The following EEPD1 variants were observed in gnomAD, a reference collection of about 807,000 sequenced individuals.
EEPD1 encodes the protein endonuclease/exonuclease/phosphatase family domain-containing protein 1.
In EEPD1, 17 loss-of-function variants were observed where a neutral mutation model predicts 46.3. That is an observed-to-expected ratio of 0.37 (90% CI 0.25 to 0.55). The LOEUF (loss-of-function observed/expected upper bound fraction) is 0.55, where lower values mean the gene tolerates loss of function less well. Ranked by LOEUF, EEPD1 falls within the 20% of genes least tolerant of loss-of-function variation. EEPD1 has a pLI of 0.83. For missense variants in EEPD1, 673 were observed against 745.6 expected (o/e 0.90, Z 1.13); for synonymous variants, 313 against 315.6 (o/e 0.99, Z 0.09).
At position 36,202,836 on chromosome 7, in the gene EEPD1, G is replaced by T. The variant is rs564967021; in HGVS notation, c.879-36149G>T. ...TCATGTAGCTTATACGTGGAGCTGGGATTTGAACCCAGAATTCTCTTGAGT... is the reference window on the plus strand; with the variant it reads ...TCATGTAGCTTATACGTGGAGCTGGTATTTGAACCCAGAATTCTCTTGAGT... On this transcript the variant is annotated intron_variant, in intron 2 of 7. Coordinates refer to ENST00000242108, the MANE Select transcript of EEPD1 (RefSeq NM_030636.3). Among the ~76,000 whole-genome samples, 20 of 152,296 alleles carry T rather than the reference G, an allele frequency of 1.3e-4. No homozygotes were observed. The South Asian group carries it at 4.2e-3, about 32-fold the overall frequency.
At chr7:36,279,965 A>G (rs1010087152) in intron 3 of EEPD1, among the ~76,000 whole-genome samples, 2 of 152,196 alleles carry the variant, frequency 1.3e-5, no homozygotes, top group Admixed American at 1.3e-4. Flanking sequence ...ACTCTGAAAC[A>G]GGCTCCAGCA....
chr7:36,198,359 G>GAAAAAAAAAAAAAAAAAAAAAAAAA (rs1381831424), intron 2 of EEPD1, among the ~76,000 whole-genome samples: 2 of 39,652 alleles, frequency 5.0e-5, no homozygotes, highest in Non-Finnish European at 5.2e-5. Context: ...AAAAAAAAAA[G>GAAAAAAAAAAAAAAAAAAAAAAAAA]AAAGATATTT....
intron 2 of EEPD1, among the ~76,000 whole-genome samples, chr7:36,174,331 G>A (rs79502987): frequency 0.045 from 6,791 of 152,314 alleles, 478 homozygotes; most frequent in African/African-American, 0.15. Flanking sequence ...TTCTGGATCA[G>A]TGGTTTTAAA....
At chr7:36,276,475 C>T (rs1384130458) in intron 3 of EEPD1, among the ~76,000 whole-genome samples, 2 of 152,176 alleles carry the variant, frequency 1.3e-5, no homozygotes, top group Non-Finnish European at 2.9e-5. Flanking sequence ...CCATTGCGTA[C>T]CTACTGTGTG....
intron 7 of EEPD1, 81 bp from the exon 8 acceptor site, chr7:36,298,926 A>T (rs1040658020): frequency 4.2e-5 from 64 of 1,509,634 alleles, no homozygotes; most frequent in Non-Finnish European, 5.6e-5. Context: ...ATGCGGTGTG[A>T]CCCTCCACCT....
chr7:36,168,001 TG>T (rs1785014834), intron 2 of EEPD1, among the ~76,000 whole-genome samples: 1 of 152,154 alleles, frequency 6.6e-6, no homozygotes. Context: ...CCAACCCAAG[TG>T]GGGCTTTCCC....
intron 4 of EEPD1, among the ~76,000 whole-genome samples, chr7:36,282,797 A>C (rs1787280817): frequency 6.6e-6 from 1 of 152,246 alleles, no homozygotes; most frequent in African/African-American, 2.4e-5. Context: ...TGCTGGGTCC[A>C]TGTCTACCCA....
At chr7:36,276,874 G>T (rs1787189201) in intron 3 of EEPD1, among the ~76,000 whole-genome samples, 1 of 152,252 alleles carries the variant, frequency 6.6e-6, no homozygotes, top group African/African-American at 2.4e-5. Flanking sequence ...AAACCCGAGA[G>T]GGTGGGGTGG....
At chr7:36,237,503 T>C (rs1367411255) in intron 2 of EEPD1, among the ~76,000 whole-genome samples, 1 of 152,120 alleles carries the variant, frequency 6.6e-6, no homozygotes, top group Non-Finnish European at 1.5e-5. Flanking sequence ...TCCATTCTCC[T>C]TTTCCCCCAG....
At chr7:36,172,100 G>A (rs1165546593) in intron 2 of EEPD1, among the ~76,000 whole-genome samples, 3 of 152,106 alleles carry the variant, frequency 2.0e-5, no homozygotes, top group South Asian at 2.1e-4. Flanking sequence ...GGGCTCTTCT[G>A]TCTTACTGTG....
intron 3 of EEPD1, among the ~76,000 whole-genome samples, chr7:36,242,744 G>A (rs1306729683): frequency 1.5e-5 from 2 of 132,934 alleles, no homozygotes; most frequent in Non-Finnish European, 3.1e-5. Flanking sequence ...CCAACATGGC[G>A]AAACTGTGTC....
intron 3 of EEPD1, among the ~76,000 whole-genome samples, chr7:36,266,260 GC>G (rs1398207917): frequency 6.6e-6 from 1 of 152,094 alleles, no homozygotes; most frequent in Non-Finnish European, 1.5e-5. Flanking sequence ...TATCTTATTT[GC>G]CCTAAAACTG....
intron 3 of EEPD1, among the ~76,000 whole-genome samples, chr7:36,269,633 C>T (rs1473631354): frequency 3.3e-5 from 5 of 152,180 alleles, no homozygotes; most frequent in African/African-American, 7.2e-5. Context: ...CGGTGGCTCA[C>T]GCCCGGAATC....
intron 3 of EEPD1, among the ~76,000 whole-genome samples, chr7:36,253,087 A>T (rs775781747): frequency 2.6e-5 from 4 of 151,816 alleles, no homozygotes; most frequent in Non-Finnish European, 5.9e-5. Flanking sequence ...TACATCAGTA[A>T]AGAAGATCTA....
intron 6 of EEPD1, among the ~76,000 whole-genome samples, chr7:36,292,037 A>C (rs1462612307): frequency 6.6e-6 from 1 of 152,196 alleles, no homozygotes; most frequent in African/African-American, 2.4e-5. Flanking sequence ...CCCTGAAATC[A>C]CTTTGTAGTT....
intron 2 of EEPD1, among the ~76,000 whole-genome samples, chr7:36,166,103 A>G (rs573285878): frequency 2.0e-5 from 3 of 152,244 alleles, no homozygotes; most frequent in Non-Finnish European, 2.9e-5. Context: ...ATTGAATTTT[A>G]AAGTCTGATT....
chr7:36,279,304 T>C (rs768387854), intron 3 of EEPD1, among the ~76,000 whole-genome samples: 1 of 152,152 alleles, frequency 6.6e-6, no homozygotes, highest in Non-Finnish European at 1.5e-5. Flanking sequence ...TGGAGAAAGA[T>C]AGATGCTTAC....
rs560835948 is a variant in EEPD1 at position 36,154,103 on chromosome 7, G to T, written c.-192-30G>T. The T allele has an allele frequency of 2.1e-4, 126 of 601,474 alleles. No homozygotes were observed. In the African/African-American group the frequency reaches 2.2e-3, roughly 11 times the overall value. The allele number at this position is 601,474 out of a possible 1,614,324, so 37.3% of individuals were successfully genotyped here. Reference sequence around the variant, plus strand: ...CTAATGCAAATTTCTTAATTCAATGGGTTTCTATGTTTATTGATTTATTTT... The same window carrying T: ...CTAATGCAAATTTCTTAATTCAATGTGTTTCTATGTTTATTGATTTATTTT... On this transcript the variant is annotated intron_variant, in intron 1 of 7. Coordinates refer to ENST00000242108, the MANE Select transcript of EEPD1 (RefSeq NM_030636.3). This position sits in a 1 kb window ranked among gnomAD's most constrained non-coding sequence, Gnocchi z 4.2.
intron 2 of EEPD1, among the ~76,000 whole-genome samples, chr7:36,168,015 A>G (rs751513913): frequency 6.6e-6 from 1 of 152,008 alleles, no homozygotes; most frequent in Non-Finnish European, 1.5e-5. Context: ...GCTTTCCCTG[A>G]CTTCTATGGT....
Sources: allele counts gnomAD v4.1 joint callset (sites outside exome capture counted in the v4.1 genomes callset), GRCh38; gene constraint gnomAD v4.1.1; non-coding constraint Gnocchi (gnomAD v3.1); transcripts MANE v1.5; gene names NCBI Gene and HGNC (gene_info 2026-07-23, HGNC 2026-07-21).